TMPRSS12: variants seen among roughly 807,000 people sequenced by gnomAD.
TMPRSS12 encodes transmembrane protease serine 12.
In TMPRSS12, 25 loss-of-function variants were observed where a neutral mutation model predicts 26.0. The ratio of observed to expected loss-of-function variants is 0.96; its 90% CI spans 0.70 to 1.34. TMPRSS12 has a LOEUF of 1.34. Ranked by LOEUF, TMPRSS12 falls within the 40% of genes most tolerant of loss-of-function variation. The pLI, the probability that TMPRSS12 is intolerant of heterozygous loss-of-function variation, is 0.00. For missense variants in TMPRSS12, 441 were observed against 440.1 expected, an observed-to-expected ratio of 1.00 and a Z score of -0.02; for synonymous variants, 150 against 161.7, an observed-to-expected ratio of 0.93 and a Z score of 0.55.
At position 50,885,671 on chromosome 12, in the gene TMPRSS12, T is replaced by A. The variant is rs562707754; in HGVS notation, c.795+283T>A. On this transcript the variant is annotated intron_variant, in intron 4 of 4. Transcript: ENST00000398458. ...AAAGTGTACAGCTCAATTTTTTTTT[T>A]ATTTGAGATAGTCTCGCTTTGTCAC... is the stretch of plus-strand genomic sequence containing the variant. 64 of 585,590 alleles carry A rather than the reference T, an allele frequency of 1.1e-4. No homozygotes were observed. The East Asian group carries it at 1.6e-3, about 15-fold the overall frequency. 36.3% of individuals were successfully genotyped at this position (585,590 alleles called of 1,614,324 possible).
chr12:50,856,013 A>G (rs536242609), intron 2 of TMPRSS12, among the ~76,000 whole-genome samples: 2 of 152,306 alleles, frequency 1.3e-5, no homozygotes, highest in East Asian at 3.9e-4. Context: ...AACATTGAGT[A>G]CACATGGACA....
chr12:50,847,842 TGCCACTGAACTCCA>T (rs1937786135), intron 2 of TMPRSS12: 1 of 152,046 alleles, frequency 6.6e-6, no homozygotes, highest in Admixed American at 6.6e-5. Flanking sequence ...AGCTAGATCA[TGCCACTGAACTCCA>T]GCCTGGGCGA....
At chr12:50,883,145 A>G (rs1938191768) in intron 3 of TMPRSS12, among the ~76,000 whole-genome samples, 2 of 152,144 alleles carry the variant, frequency 1.3e-5, no homozygotes, top group Admixed American at 6.5e-5. Context: ...CCTGAGCAAC[A>G]TACTGAGACA....
intron 2 of TMPRSS12, among the ~76,000 whole-genome samples, chr12:50,846,762 T>C (rs1390188776): frequency 1.4e-5 from 2 of 144,520 alleles, no homozygotes. Context: ...TATTTTTTTG[T>C]AGAGACAGAG....
At chr12:50,884,070 A>T (rs1239538557) in intron 3 of TMPRSS12, among the ~76,000 whole-genome samples, 5 of 152,238 alleles carry the variant, frequency 3.3e-5, no homozygotes, top group African/African-American at 1.2e-4. Context: ...TGGTTAAAGG[A>T]TAAAAAATAT....
chr12:50,876,397 A>G (rs966492719), intron 3 of TMPRSS12, among the ~76,000 whole-genome samples: 5 of 152,360 alleles, frequency 3.3e-5, no homozygotes, highest in Admixed American at 6.5e-5. Context: ...ATTACTCTGT[A>G]TCTATCCAAA....
intron 3 of TMPRSS12, among the ~76,000 whole-genome samples, chr12:50,862,163 A>C (rs1394491971): frequency 6.6e-6 from 1 of 152,174 alleles, no homozygotes; most frequent in Non-Finnish European, 1.5e-5. Flanking sequence ...AAGTGAGAGC[A>C]ATGATACCCA....
intron 3 of TMPRSS12, among the ~76,000 whole-genome samples, chr12:50,878,963 C>T (rs941867322): frequency 4.6e-5 from 7 of 152,184 alleles, no homozygotes; most frequent in African/African-American, 1.7e-4. Context: ...CCTTCCACCA[C>T]GTAAGGATAC....
In TMPRSS12 at chr12:50,844,012, G is replaced by A; in HGVS notation, c.358G>A (p.Ala120Thr). ...AGTGAGAGAGAGGTGGGTCCTCACA[G>A]CTGCCCACTGCACTAAAGACGCTAG... is the stretch of plus-strand genomic sequence containing the variant. ...TLVRERWVLT[A>T]AHCTKDASDP... Residue 120 changes from alanine to threonine, a missense_variant, in exon 2 of 5, where the codon GCT becomes ACT. By Grantham distance (58) the Ala-to-Thr change is moderately conservative. Transcript: ENST00000398458. 1.3e-6 allele frequency: 2 copies of A among 1,594,016 alleles called. No homozygotes were observed. Among genetic ancestry groups the A allele is most frequent in the Non-Finnish European group, 1.7e-6 (2 of 1,171,516 alleles).
chr12:50,876,630 C>T (rs1262490307), intron 3 of TMPRSS12, among the ~76,000 whole-genome samples: 2 of 151,828 alleles, frequency 1.3e-5, no homozygotes, highest in African/African-American at 2.4e-5. Flanking sequence ...CGGCGAAACC[C>T]CGTCTCTACT....
intron 2 of TMPRSS12, among the ~76,000 whole-genome samples, chr12:50,851,820 G>A (rs1937828920): frequency 6.6e-6 from 1 of 152,144 alleles, no homozygotes; most frequent in Non-Finnish European, 1.5e-5. Flanking sequence ...CTTACAACAG[G>A]AATCCCCATC....
chr12:50,850,460 G>A (rs1247276055), intron 2 of TMPRSS12, among the ~76,000 whole-genome samples: 2 of 152,100 alleles, frequency 1.3e-5, no homozygotes, highest in Non-Finnish European at 2.9e-5. Flanking sequence ...TATGCCTGTG[G>A]TCCCAGCTAC....
At chr12:50,851,616 C>T (rs184649296) in intron 2 of TMPRSS12, among the ~76,000 whole-genome samples, 38 of 152,264 alleles carry the variant, frequency 2.5e-4, no homozygotes, top group African/African-American at 8.9e-4. Context: ...ACTTGGAAAA[C>T]CTATTTGAGG....
chr12:50,887,527 GCTTT>G lies in TMPRSS12; in HGVS notation c.*16_*19del. On this transcript the variant is annotated 3_prime_UTR_variant, in exon 5 of 5. Coordinates refer to ENST00000398458, the MANE Select transcript of TMPRSS12 (RefSeq NM_182559.3). ...GCAACAACATAAAGAAATTCTGAAGGCTTTCATATCTTTATTTTGCATTGTGTCC... is the reference window on the plus strand; with the variant it reads ...GCAACAACATAAAGAAATTCTGAAGGCATATCTTTATTTTGCATTGTGTCC... The G allele has an allele frequency of 6.2e-7, 1 of 1,604,746 alleles. No homozygotes were observed.
In TMPRSS12 at chr12:50,887,362, T is replaced by C; in HGVS notation, c.896T>C (p.Phe299Ser). The change falls in exon 5 of 5, where the codon TTT becomes TCT. Residue 299 changes from phenylalanine to serine, a missense_variant. Coordinates refer to ENST00000398458, the MANE Select transcript of TMPRSS12 (RefSeq NM_182559.3). ...GGACATGGCTGTGGTCGAAGAGGTT[T>C]TCCTGGTGTCTATATTGGGCCATCC... ...SYGHGCGRRG[F>S]PGVYIGPSFY... 6.2e-7 allele frequency: 1 copy of C among 1,613,950 alleles called. No homozygotes were observed. The highest frequency in any genetic ancestry group is 8.5e-7 in the Non-Finnish European group (1 of 1,179,870).
intron 1 of TMPRSS12, 24 bp downstream of exon 1, chr12:50,843,175 C>G (rs1411035736): frequency 1.3e-6 from 2 of 1,527,944 alleles, no homozygotes; most frequent in African/African-American, 2.8e-5. Flanking sequence ...GTGCCTGTCT[C>G]TGGGGAGCCT....
At chr12:50,853,732 T>C (rs769227588) in intron 2 of TMPRSS12, among the ~76,000 whole-genome samples, 8 of 151,844 alleles carry the variant, frequency 5.3e-5, no homozygotes, top group Non-Finnish European at 8.8e-5. Context: ...CTAGAAAACC[T>C]AGTGGATAAA....
intron 2 of TMPRSS12, among the ~76,000 whole-genome samples, chr12:50,852,297 C>T (rs1487769213): frequency 6.6e-6 from 1 of 152,218 alleles, no homozygotes; most frequent in African/African-American, 2.4e-5. Context: ...AAGAGAGGCA[C>T]ATCTCACATG....
At chr12:50,887,180 G>C in intron 4 of TMPRSS12, 82 bp from the exon 5 acceptor site, 1 of 1,331,092 alleles carries the variant, frequency 7.5e-7, no homozygotes, top group Non-Finnish European at 1.0e-6. Context: ...ATGTATGTTT[G>C]ATGTAAATAA....
Sources: allele counts gnomAD v4.1 joint callset (sites outside exome capture counted in the v4.1 genomes callset), GRCh38; gene constraint gnomAD v4.1.1; transcripts MANE v1.5; gene names NCBI Gene and HGNC (gene_info 2026-07-23, HGNC 2026-07-21).